The following RPAP3 variants were observed in gnomAD, a reference collection of about 807,000 sequenced individuals.
The protein encoded by RPAP3 is RNA polymerase II associated protein 3.
RPAP3 carries 58 observed loss-of-function variants against 88.8 expected under a neutral mutation model. That is an observed-to-expected ratio of 0.65 (90% CI 0.53 to 0.81). The LOEUF is 0.81. Ranked by LOEUF, RPAP3 falls within the 40% of genes least tolerant of loss-of-function variation. The pLI, the probability that RPAP3 is intolerant of heterozygous loss-of-function variation, is 0.00. For missense variants in RPAP3, 751 were observed against 764.3 expected (o/e 0.98, Z 0.20); for synonymous variants, 255 against 259.9 (o/e 0.98, Z 0.18).
chr12:47,687,985 T>A lies in RPAP3; in HGVS notation c.755A>T (p.Glu252Val), dbSNP rs1436299134. The change falls in exon 8 of 17, where the codon GAA (glutamate) becomes GTA (valine). Residue 252 changes from glutamate to valine, a missense_variant. Glu to Val is a moderately radical substitution (Grantham distance 121, BLOSUM62 -2). Transcript: ENST00000005386. ...GTCAGCTTCCTTTGGATATGAGTTT[T>A]CTTTGGATGCTAAAGCCTAGGAGAC... ...RKISQALASK[E>V]NSYPKEADIV... 6.2e-7 allele frequency: 1 copy of A among 1,612,930 alleles called. No individual in the cohort carries two copies. Among genetic ancestry groups the A allele is most frequent in the Non-Finnish European group, 8.5e-7 (1 of 1,179,454 alleles).
chr12:47,674,084 T>TAAAAAAAAAA, intron 12 of RPAP3, among the ~76,000 whole-genome samples: 1 of 123,336 alleles, frequency 8.1e-6, no homozygotes, highest in Non-Finnish European at 1.6e-5. Context: ...TTAAAGATTC[T>TAAAAAAAAAA]AAAAAAAAAA....
intron 12 of RPAP3, among the ~76,000 whole-genome samples, chr12:47,676,958 A>C (rs534943747): frequency 3.9e-5 from 6 of 152,218 alleles, no homozygotes; most frequent in Non-Finnish European, 8.8e-5. Flanking sequence ...ATTTTAGACC[A>C]ATATCCCTGA....
chr12:47,661,497 C>A lies in RPAP3; in HGVS notation c.*2008G>T, dbSNP rs1938759225. 6.6e-6 allele frequency: 1 copy of A among 152,150 alleles called. No individual in the cohort carries two copies. Among genetic ancestry groups the A allele is most frequent in the African/African-American group, 2.4e-5 (1 of 41,426 alleles). The allele number at this position is 152,150 out of a possible 1,614,324, so 9.4% of individuals were successfully genotyped here. On this transcript the variant is annotated 3_prime_UTR_variant, in exon 17 of 17. Coordinates refer to ENST00000005386, the MANE Select transcript of RPAP3 (RefSeq NM_024604.3). ...ACAAAGAATAGAAAAGTAACTTGTC[C>A]AAGGCCCTAAAGCCAGATGGAGCCA...
At chr12:47,701,717 T>A in intron 2 of RPAP3, 113 bp from the exon 3 acceptor site, 2 of 875,058 alleles carry the variant, frequency 2.3e-6, no homozygotes, top group Non-Finnish European at 3.1e-6. Flanking sequence ...TTTTTAATTT[T>A]AAAGTGTTTA....
chr12:47,665,462 C>G (rs1429543933), intron 16 of RPAP3, among the ~76,000 whole-genome samples: 2 of 151,312 alleles, frequency 1.3e-5, no homozygotes, highest in Non-Finnish European at 2.9e-5. Context: ...TATAATGGGG[C>G]AGAGTGGTTG....
chr12:47,670,267 C>T lies in RPAP3; in HGVS notation c.1366G>A (p.Ala456Thr). 6.2e-7 allele frequency: 1 copy of T among 1,613,580 alleles called. No individual in the cohort carries two copies. The highest frequency in any genetic ancestry group is 8.5e-7 in the Non-Finnish European group (1 of 1,179,632). Residue 456 changes from alanine (A) to threonine (T), a missense_variant, in exon 13 of 17, where the codon GCT (alanine) becomes ACT (threonine). By Grantham distance (58) the Ala-to-Thr change is moderately conservative. Transcript: ENST00000005386. ...TTAATAGGATTATTCTCTGGAGCAG[C>T]AGCAGTAGTGCTATCTGGCACATCA... ...TIDVPDSTTA[A>T]APENNPINLA...
chr12:47,674,058 T>C (rs183253385), intron 12 of RPAP3, among the ~76,000 whole-genome samples: 66 of 132,426 alleles, frequency 5.0e-4, no homozygotes, highest in African/African-American at 1.8e-3. Flanking sequence ...ACATCAGTAA[T>C]CCTAGGAAGT....
At chr12:47,697,999 C>T (rs1436501899) in intron 3 of RPAP3, among the ~76,000 whole-genome samples, 6 of 152,098 alleles carry the variant, frequency 3.9e-5, no homozygotes. Context: ...GAACTATTAG[C>T]AGTTAGGTCT....
At chr12:47,702,375 G>A (rs1480600681) in intron 2 of RPAP3, among the ~76,000 whole-genome samples, 10 of 151,450 alleles carry the variant, frequency 6.6e-5, no homozygotes, top group Admixed American at 6.6e-5. Flanking sequence ...ATGAGACCCC[G>A]TCTCTACTAA....
chr12:47,698,092 T>C (rs1472984611), intron 3 of RPAP3, among the ~76,000 whole-genome samples: 1 of 152,172 alleles, frequency 6.6e-6, no homozygotes, highest in Non-Finnish European at 1.5e-5. Context: ...AAAAAATTTT[T>C]TTCTTCCTTA....
At position 47,702,847 on chromosome 12, in the gene RPAP3, C is replaced by T; in HGVS notation, c.-6-1G>A. 6.2e-7 allele frequency: 1 copy of T among 1,609,110 alleles called. No homozygotes were observed. The highest frequency in any genetic ancestry group is 1.3e-5 in the African/African-American group (1 of 74,728). On this transcript the variant is annotated splice_acceptor_variant, in intron 1 of 16. Coordinates refer to ENST00000005386, the MANE Select transcript of RPAP3 (RefSeq NM_024604.3). LOFTEE classifies it low-confidence loss of function (5UTR_SPLICE). Reference sequence around the variant, plus strand: ...CTTTATTTGCTGAAGTCATTATGGTCTGCAGAGTTTTGAACAACCAACCTC... The same window carrying T: ...CTTTATTTGCTGAAGTCATTATGGTTTGCAGAGTTTTGAACAACCAACCTC...
chr12:47,662,458 C>T lies in RPAP3; in HGVS notation c.*1047G>A, dbSNP rs905480866. 1 of 152,008 alleles carries T rather than the reference C, an allele frequency of 6.6e-6. No homozygotes were observed. The highest frequency in any genetic ancestry group is 2.4e-5 in the African/African-American group (1 of 41,390). 9.4% of individuals were successfully genotyped at this position (152,008 alleles called of 1,614,324 possible). On this transcript the variant is annotated 3_prime_UTR_variant, in exon 17 of 17. Coordinates refer to ENST00000005386, the MANE Select transcript of RPAP3 (RefSeq NM_024604.3). Reference sequence around the variant, plus strand: ...ATAAGAATAGTAATATGTATAATGGCAATAAAAATTAACCACAATATCGTA... The same window carrying T: ...ATAAGAATAGTAATATGTATAATGGTAATAAAAATTAACCACAATATCGTA...
In RPAP3 at chr12:47,689,151, T is replaced by G; in HGVS notation, c.712A>C (p.Thr238Pro). The G allele has an allele frequency of 6.8e-7, 1 of 1,466,262 alleles. No homozygotes were observed. The highest frequency in any genetic ancestry group is 1.7e-4 in the Middle Eastern group (1 of 5,770). The allele number at this position is 1,466,262 out of a possible 1,614,324, so 90.8% of individuals were successfully genotyped here. A position where few individuals can be genotyped will look rare whatever the true frequency, so the allele number is the denominator to read the frequency against. ...LELEPNNFEA[T>P]NELRKISQAL... is the part of the protein sequence containing the mutation. ...TGACTGATTTTCCTGAGTTCATTTG[T>G]TGCTTCAAAGTTATTTGGTTCTAGT... The change falls in exon 7 of 17, where the codon ACA (threonine) becomes CCA (proline). Residue 238 changes from threonine (T) to proline (P), a missense_variant. Physicochemically the swap from Thr to Pro is conservative, Grantham distance 38 (BLOSUM62 -1). Coordinates refer to ENST00000005386, the MANE Select transcript of RPAP3 (RefSeq NM_024604.3).
At position 47,679,781 on chromosome 12, in the gene RPAP3, C is replaced by T. The variant is rs768462711; in HGVS notation, c.1115-7G>A. The T allele has an allele frequency of 1.9e-5, 31 of 1,590,610 alleles. No individual in the cohort carries two copies. Among genetic ancestry groups the T allele is most frequent in the South Asian group, 8.0e-5 (7 of 87,588 alleles). On this transcript the variant is annotated splice_region_variant and splice_polypyrimidine_tract_variant and intron_variant, in intron 10 of 16. Transcript: ENST00000005386. ...AGTAAAACAGTTTCAAAATCTAAAG[C>T]GAATTTTTTAAAAACATTACAACAT...
intron 12 of RPAP3, among the ~76,000 whole-genome samples, chr12:47,679,259 T>C (rs770324564): frequency 4.0e-5 from 6 of 151,742 alleles, no homozygotes; most frequent in Non-Finnish European, 8.8e-5. Flanking sequence ...GGGTGGTGGG[T>C]TGGGGGAGGG....
At chr12:47,677,834 T>C (rs942432398) in intron 12 of RPAP3, among the ~76,000 whole-genome samples, 3 of 152,148 alleles carry the variant, frequency 2.0e-5, no homozygotes, top group African/African-American at 7.2e-5. Flanking sequence ...AAGTAATTTA[T>C]AGAATTCAAT....
intron 16 of RPAP3, among the ~76,000 whole-genome samples, chr12:47,665,254 G>A (rs527780161): frequency 2.6e-5 from 4 of 151,406 alleles, no homozygotes; most frequent in South Asian, 4.2e-4. Context: ...CTGCCACCAC[G>A]CCCAGCTAAT....
At chr12:47,669,784 A>C (rs1938957844) in intron 13 of RPAP3, among the ~76,000 whole-genome samples, 1 of 152,324 alleles carries the variant, frequency 6.6e-6, no homozygotes, top group African/African-American at 2.4e-5. Flanking sequence ...ATTTTTATGA[A>C]GCTTCCTTTT....
At chr12:47,673,589 T>C (rs554255419) in intron 12 of RPAP3, among the ~76,000 whole-genome samples, 2 of 152,024 alleles carry the variant, frequency 1.3e-5, no homozygotes, top group African/African-American at 4.8e-5. Flanking sequence ...AAAAAGAGGA[T>C]AAAAATACCT....
Sources: gnomAD v4.1 joint callset for allele counts (sites outside exome capture counted in the v4.1 genomes callset) on GRCh38, gnomAD v4.1.1 for gene constraint, MANE v1.5 for transcripts, NCBI Gene and HGNC (gene_info 2026-07-23, HGNC 2026-07-21) for gene names.